The following FBXL4 variants were observed in gnomAD, a reference collection of about 807,000 sequenced individuals.
FBXL4 encodes the protein F-box/LRR-repeat protein 4.
Under a neutral mutation model 58.9 loss-of-function variants are expected in FBXL4, and 40 were observed. The observed-to-expected ratio is 0.68, with a 90% confidence interval of 0.53 to 0.88. The LOEUF (loss-of-function observed/expected upper bound fraction) is 0.88. Among genes scored for constraint, FBXL4 ranks in the 40% least tolerant of loss-of-function variants. The pLI is 0.00. For missense variants in FBXL4, 676 were observed against 734.4 expected (o/e 0.92, Z 0.92); for synonymous variants, 263 against 265.5 (o/e 0.99, Z 0.09).
chr6:98,882,861 T>A (rs1332548285), intron 7 of FBXL4, among the ~76,000 whole-genome samples: 1 of 152,084 alleles, frequency 6.6e-6, no homozygotes, highest in African/African-American at 2.4e-5. Context: ...TGATATTTAG[T>A]TGCTTACAAT....
At chr6:98,928,418 T>A (rs1171916689) in intron 2 of FBXL4, among the ~76,000 whole-genome samples, 1 of 151,834 alleles carries the variant, frequency 6.6e-6, no homozygotes, top group Non-Finnish European at 1.5e-5. Flanking sequence ...AACCTCTGCC[T>A]CCTGGTTTCA....
At chr6:98,912,503 G>C (rs1236754001) in intron 5 of FBXL4, among the ~76,000 whole-genome samples, 2 of 152,180 alleles carry the variant, frequency 1.3e-5, no homozygotes, top group Non-Finnish European at 2.9e-5. Context: ...CAAGCCAGAA[G>C]AGAGTGGGGG....
At chr6:98,935,632 A>C (rs972268513) in intron 1 of FBXL4, among the ~76,000 whole-genome samples, 1 of 151,156 alleles carries the variant, frequency 6.6e-6, no homozygotes, top group African/African-American at 2.4e-5. Flanking sequence ...TACTAAAAAT[A>C]CAAAAAATTA....
chr6:98,902,065 T>C (rs1281390809), intron 6 of FBXL4, among the ~76,000 whole-genome samples: 2 of 152,168 alleles, frequency 1.3e-5, no homozygotes, highest in Non-Finnish European at 2.9e-5. Context: ...AGAAGCAATT[T>C]ACTAAATGGT....
At chr6:98,883,665 G>T (rs1394950272) in intron 7 of FBXL4, among the ~76,000 whole-genome samples, 3 of 151,576 alleles carry the variant, frequency 2.0e-5, no homozygotes, top group African/African-American at 7.3e-5. Flanking sequence ...AGACTTCATT[G>T]TATCCACTGA....
chr6:98,913,373 A>G (rs1481631880), intron 5 of FBXL4, among the ~76,000 whole-genome samples: 2 of 152,080 alleles, frequency 1.3e-5, no homozygotes, highest in Admixed American at 1.3e-4. Flanking sequence ...AAGAATATAC[A>G]TTTTTTTCAG....
At chr6:98,896,674 T>C in intron 7 of FBXL4, 1 of 652,882 alleles carries the variant, frequency 1.5e-6, no homozygotes, top group Non-Finnish European at 1.9e-6. Context: ...AAAAATTACG[T>C]AGTGTTTATG....
At chr6:98,918,586 G>A (rs1230289218) in intron 4 of FBXL4, among the ~76,000 whole-genome samples, 1 of 151,740 alleles carries the variant, frequency 6.6e-6, no homozygotes, top group Non-Finnish European at 1.5e-5. Flanking sequence ...AGCATCATCA[G>A]GTACTTAATA....
rs559269022 is a variant in FBXL4 at position 98,911,228 on chromosome 6, G to T, written c.859-5558C>A. 3.6e-4 allele frequency among the ~76,000 whole-genome samples: 55 copies of T among 152,324 alleles called. 1 individual carries two copies. The South Asian group carries it at 0.011, about 30-fold the overall frequency. On this transcript the variant is annotated intron_variant, in intron 5 of 9. Transcript: ENST00000369244. ...AACTCAAGGAGGCCTACCTGCCTCT[G>T]TAGGCTCCACCTCTGGGGGCAGGGC...
At chr6:98,891,679 G>A (rs563001204) in intron 7 of FBXL4, among the ~76,000 whole-genome samples, 1 of 150,142 alleles carries the variant, frequency 6.7e-6, no homozygotes, top group East Asian at 2.0e-4. Flanking sequence ...GAGCCCAGGA[G>A]GTTGAGACCA....
chr6:98,918,984 C>G (rs551509815), intron 4 of FBXL4, among the ~76,000 whole-genome samples: 104 of 151,934 alleles, frequency 6.8e-4, no homozygotes, highest in African/African-American at 2.5e-3. Context: ...TCGTTTATTT[C>G]CCTGGCCCAA....
At chr6:98,935,597 G>A (rs1773182696) in intron 1 of FBXL4, among the ~76,000 whole-genome samples, 1 of 151,260 alleles carries the variant, frequency 6.6e-6, no homozygotes, top group Admixed American at 6.6e-5. Flanking sequence ...AGACCATCCT[G>A]GCTAACAAGG....
rs147659283 is a variant in FBXL4, at chr6:98,874,853, C to T, written c.1703-412G>A. Among the ~76,000 whole-genome samples, 3 of 152,294 alleles carry T rather than the reference C, an allele frequency of 2.0e-5. No homozygotes were observed. The East Asian group carries it at 5.8e-4, about 29-fold the overall frequency. ...GACAATGATAACTACTGTGACACTG[C>T]TAGCACCCCTGGCTAAAAGTAAGAA... On this transcript the variant is annotated intron_variant, in intron 9 of 9. Coordinates refer to ENST00000369244, the MANE Select transcript of FBXL4 (RefSeq NM_001278716.2).
chr6:98,906,191 A>C (rs1238231565), intron 5 of FBXL4, among the ~76,000 whole-genome samples: 9 of 151,426 alleles, frequency 5.9e-5, no homozygotes, highest in Admixed American at 1.3e-4. Flanking sequence ...AAAAAAAAAA[A>C]CACTTTTAAG....
In FBXL4 at chr6:98,869,954, G is replaced by C. The variant is rs143876965; in HGVS notation, c.*4324C>G. 4.5e-3 allele frequency: 689 copies of C among 152,194 alleles called. 6 individuals carry two copies. The highest frequency in any genetic ancestry group is 0.015 in the African/African-American group (639 of 41,538). 9.4% of individuals were successfully genotyped at this position (152,194 alleles called of 1,614,324 possible). A position where few individuals can be genotyped will look rare whatever the true frequency, so the allele number is the denominator to read the frequency against. ...GGATATCTTTATTTCTAGACTCTGG[G>C]AAGATAATTTACCTGAGCAAAATGC... On this transcript the variant is annotated 3_prime_UTR_variant, in exon 10 of 10. Coordinates refer to ENST00000369244, the MANE Select transcript of FBXL4 (RefSeq NM_001278716.2).
At chr6:98,909,953 T>A (rs562980737) in intron 5 of FBXL4, among the ~76,000 whole-genome samples, 4 of 152,214 alleles carry the variant, frequency 2.6e-5, no homozygotes, top group Non-Finnish European at 4.4e-5. Flanking sequence ...CTGTAATATG[T>A]TGGAGAGGCA....
At chr6:98,912,265 C>T (rs1772117842) in intron 5 of FBXL4, among the ~76,000 whole-genome samples, 1 of 152,106 alleles carries the variant, frequency 6.6e-6, no homozygotes, top group South Asian at 2.1e-4. Flanking sequence ...GGATATTATC[C>T]AGGAGAACTT....
chr6:98,911,042 G>C (rs981361905), intron 5 of FBXL4, among the ~76,000 whole-genome samples: 1 of 63,470 alleles, frequency 1.6e-5, no homozygotes, highest in East Asian at 2.0e-4. Flanking sequence ...CACCTGGCTC[G>C]GAGGGTCCTA....
Position 98,869,004 on chromosome 6 carries a change from T to A in FBXL4, c.*5274A>T, listed in dbSNP as rs1355234951. ...ATAAAAAATATATAATAAATCATGA[T>A]CTTTGATTAAAGCAAATGACTCTTA... On this transcript the variant is annotated 3_prime_UTR_variant, in exon 10 of 10. Transcript: ENST00000369244. 6.6e-6 allele frequency: 1 copy of A among 152,316 alleles called. No individual in the cohort carries two copies. The highest frequency in any genetic ancestry group is 3.4e-3 in the Middle Eastern group (1 of 294). 9.4% of individuals were successfully genotyped at this position (152,316 alleles called of 1,614,324 possible). A position where few individuals can be genotyped will look rare whatever the true frequency, so the allele number is the denominator to read the frequency against.
Sources: gnomAD v4.1 joint callset for allele counts (sites outside exome capture counted in the v4.1 genomes callset) on GRCh38, gnomAD v4.1.1 for gene constraint, MANE v1.5 for transcripts, NCBI Gene and HGNC (gene_info 2026-07-23, HGNC 2026-07-21) for gene names.